Variants in NRG1 observed in about 807,000 individuals in gnomAD.
NRG1 encodes neuregulin 1, also known as pro-neuregulin-1, membrane-bound isoform.
In NRG1, 18 loss-of-function variants were observed where a neutral mutation model predicts 63.8. The observed-to-expected ratio is 0.28, with a 90% confidence interval of 0.19 to 0.42. NRG1 has a LOEUF of 0.42. Among genes scored for constraint, NRG1 ranks in the 10% least tolerant of loss-of-function variants. NRG1 has a pLI of 1.00. For missense variants in NRG1, 762 were observed against 814.7 expected (o/e 0.94, Z 0.79); for synonymous variants, 302 against 301.3 (o/e 1.00, Z -0.02).
chr8:32,647,138 G>T (rs544901565), intron 5 of NRG1: 1 of 985,350 alleles, frequency 1.0e-6, no homozygotes, highest in South Asian at 4.7e-5. Flanking sequence ...TGCTCCGAGG[G>T]CAGGCACCTG....
chr8:31,945,528 T>G (rs1802406821), intron 1 of NRG1, among the ~76,000 whole-genome samples: 1 of 152,218 alleles, frequency 6.6e-6, no homozygotes, highest in Non-Finnish European at 1.5e-5. Context: ...GATAAATATG[T>G]GCGCCCCTTT....
chr8:31,681,745 C>T (rs1192173861), intron 1 of NRG1, among the ~76,000 whole-genome samples: 1 of 150,472 alleles, frequency 6.6e-6, no homozygotes, highest in Admixed American at 6.6e-5. Flanking sequence ...CACACACACA[C>T]ACAGGAGATG....
chr8:31,777,991 C>T (rs1468513004), intron 1 of NRG1, among the ~76,000 whole-genome samples: 2 of 152,256 alleles, frequency 1.3e-5, no homozygotes, highest in Admixed American at 6.5e-5. Flanking sequence ...TATCCAAACT[C>T]TATTATCCCC....
At chr8:32,411,129 C>T (rs888952410) in intron 1 of NRG1, among the ~76,000 whole-genome samples, 1 of 152,098 alleles carries the variant, frequency 6.6e-6, no homozygotes, top group African/African-American at 2.4e-5. Context: ...CCACCTCAGC[C>T]CCCCAAAGTG....
intron 1 of NRG1, among the ~76,000 whole-genome samples, chr8:32,269,256 T>C (rs142061727): frequency 1.2e-4 from 18 of 152,286 alleles, no homozygotes; most frequent in African/African-American, 4.3e-4. Flanking sequence ...TAAGACTCTA[T>C]TTGGAAATAA....
intron 1 of NRG1, among the ~76,000 whole-genome samples, chr8:32,268,133 G>A (rs4733314): frequency 6.6e-6 from 1 of 152,126 alleles, no homozygotes; most frequent in African/African-American, 2.4e-5. Context: ...CTCCAACTGA[G>A]CCACCAAAGA....
intron 1 of NRG1, among the ~76,000 whole-genome samples, chr8:31,648,375 G>A (rs574879716): frequency 9.2e-5 from 14 of 151,814 alleles, no homozygotes; most frequent in African/African-American, 2.9e-4. Flanking sequence ...CTTGTGATCC[G>A]CCCGTCTCGG....
intron 5 of NRG1, among the ~76,000 whole-genome samples, chr8:32,678,515 A>G (rs1162402574): frequency 6.6e-6 from 1 of 152,086 alleles, no homozygotes; most frequent in Admixed American, 6.6e-5. Context: ...TCTGAGTCCA[A>G]TTACGGGTTC....
chr8:31,760,829 T>C (rs1379879722), intron 1 of NRG1, among the ~76,000 whole-genome samples: 1 of 152,044 alleles, frequency 6.6e-6, no homozygotes, highest in East Asian at 1.9e-4. Context: ...TGTGGAGAAA[T>C]AGGAACACTT....
chr8:31,646,852 T>G (rs1804336544), intron 1 of NRG1, among the ~76,000 whole-genome samples: 1 of 152,266 alleles, frequency 6.6e-6, no homozygotes, highest in South Asian at 2.1e-4. Flanking sequence ...CAGGACACTG[T>G]TCCCTTCTCT....
intron 1 of NRG1, among the ~76,000 whole-genome samples, chr8:32,306,344 A>G (rs1856182368): frequency 6.6e-6 from 1 of 152,216 alleles, no homozygotes; most frequent in South Asian, 2.1e-4. Context: ...ATTAACAATC[A>G]TGATTTATTC....
chr8:32,666,054 T>A lies in NRG1; in HGVS notation c.502+49169T>A, dbSNP rs570757572. ...TGCTGCTGTCTGATCTTGTGTTTCTTGAGGGACACTTCTTTTATGAGCAAT... is the reference window on the plus strand; with the variant it reads ...TGCTGCTGTCTGATCTTGTGTTTCTAGAGGGACACTTCTTTTATGAGCAAT... On this transcript the variant is annotated intron_variant, in intron 5 of 11. Transcript: ENST00000356819. 3.0e-4 allele frequency among the ~76,000 whole-genome samples: 45 copies of A among 152,350 alleles called. No individual in the cohort carries two copies. In the South Asian group the frequency reaches 8.1e-3, roughly 27 times the overall value.
intron 5 of NRG1, among the ~76,000 whole-genome samples, chr8:32,624,448 C>T (rs767338987): frequency 2.0e-5 from 3 of 152,132 alleles, no homozygotes; most frequent in Non-Finnish European, 4.4e-5. Context: ...ACAACACAAT[C>T]ATTGACAACT....
intron 5 of NRG1, among the ~76,000 whole-genome samples, chr8:32,699,782 A>G (rs530351490): frequency 1.4e-4 from 22 of 152,310 alleles, no homozygotes; most frequent in Admixed American, 8.5e-4. Flanking sequence ...TATAATGTCA[A>G]TGTGTAAATC....
chr8:32,020,496 C>T (rs2130197774), intron 1 of NRG1, among the ~76,000 whole-genome samples: 1 of 152,242 alleles, frequency 6.6e-6, no homozygotes, highest in Admixed American at 6.5e-5. Context: ...TGCAATGCTT[C>T]ATTCCAGTAT....
chr8:31,948,811 C>T (rs540208921), intron 1 of NRG1, among the ~76,000 whole-genome samples: 26 of 152,118 alleles, frequency 1.7e-4, no homozygotes, highest in Non-Finnish European at 3.4e-4. Flanking sequence ...CTTTCCCCTG[C>T]CCCCAACAGG....
At chr8:32,249,352 A>T (rs1295809827) in intron 1 of NRG1, among the ~76,000 whole-genome samples, 1 of 152,118 alleles carries the variant, frequency 6.6e-6, no homozygotes, top group Non-Finnish European at 1.5e-5. Context: ...CAGAGATAGC[A>T]AGAATTTAGT....
intron 1 of NRG1, among the ~76,000 whole-genome samples, chr8:32,478,254 T>A (rs2129492355): frequency 8.9e-6 from 1 of 111,970 alleles, no homozygotes; most frequent in South Asian, 2.9e-4. Flanking sequence ...CCCAGTGGGC[T>A]TCTTCCATGT....
chr8:31,937,963 C>A (rs1419674275), intron 1 of NRG1, among the ~76,000 whole-genome samples: 1 of 152,164 alleles, frequency 6.6e-6, no homozygotes, highest in Non-Finnish European at 1.5e-5. Context: ...AGTTCATAAT[C>A]TCTTGGGAGG....
Sources: gnomAD v4.1 joint callset for allele counts (sites outside exome capture counted in the v4.1 genomes callset) on GRCh38, gnomAD v4.1.1 for gene constraint, MANE v1.5 for transcripts, NCBI Gene and HGNC (gene_info 2026-07-23, HGNC 2026-07-21) for gene names.